The following CELF4 variants were observed in gnomAD, a reference collection of about 807,000 sequenced individuals.
CELF4 encodes CUGBP Elav-like family member 4.
Under a neutral mutation model 59.9 loss-of-function variants are expected in CELF4, and 18 were observed. The observed-to-expected ratio is 0.30, with a 90% CI of 0.21 to 0.45. The LOEUF is 0.45. CELF4 is among the 20% of genes least tolerant of loss of function. The probability of loss-of-function intolerance (pLI) is 1.00; values close to 1 mark genes in which losing one functional copy is unlikely to be tolerated. For missense variants in CELF4, 456 were observed against 689.0 expected, an observed-to-expected ratio of 0.66 and a Z score of 3.79; for synonymous variants, 261 against 267.1, an observed-to-expected ratio of 0.98 and a Z score of 0.22.
At chr18:37,485,243 A>T (rs1297706756) in intron 2 of CELF4, among the ~76,000 whole-genome samples, 1 of 151,654 alleles carries the variant, frequency 6.6e-6, no homozygotes, top group Non-Finnish European at 1.5e-5. Context: ...GGCCCGGCGG[A>T]GGCAGCTCCC....
intron 2 of CELF4, among the ~76,000 whole-genome samples, chr18:37,356,486 AGGTGCTGGGAAGGCCATT>A (rs1199567818): frequency 2.0e-5 from 3 of 151,816 alleles, no homozygotes; most frequent in African/African-American, 7.3e-5. Flanking sequence ...GGAAGGTCAG[AGGTGCTGGGAAGGCCATT>A]GGTGCTGGGA....
intron 3 of CELF4, among the ~76,000 whole-genome samples, chr18:37,292,177 T>TTA (rs10653983): frequency 0.55 from 83,951 of 151,850 alleles, 25,219 homozygotes; most frequent in African/African-American, 0.8. Flanking sequence ...AGAAATCGAT[T>TTA]TATTGTTGAT....
At chr18:37,454,014 G>T (rs1410684143) in intron 2 of CELF4, among the ~76,000 whole-genome samples, 3 of 151,996 alleles carry the variant, frequency 2.0e-5, no homozygotes, top group Non-Finnish European at 2.9e-5. Context: ...GATTTGGACT[G>T]AGCTGCCTTC....
chr18:37,379,292 T>C (rs1204325341), intron 2 of CELF4, among the ~76,000 whole-genome samples: 17 of 152,106 alleles, frequency 1.1e-4, no homozygotes, highest in Non-Finnish European at 2.9e-5. Flanking sequence ...GGCGTGGGTA[T>C]GCTATTGAGG....
chr18:37,489,945 T>C (rs572587378), intron 1 of CELF4, among the ~76,000 whole-genome samples: 1 of 152,214 alleles, frequency 6.6e-6, no homozygotes, highest in South Asian at 2.1e-4. Flanking sequence ...CCACATACAC[T>C]CGTGCTCACA....
chr18:37,312,830 T>C (rs1022603209), intron 3 of CELF4, among the ~76,000 whole-genome samples: 3 of 152,146 alleles, frequency 2.0e-5, no homozygotes, highest in Non-Finnish European at 2.9e-5. Context: ...CCCCTTGGTT[T>C]CCTGTGATGC....
At chr18:37,477,697 A>G (rs2099854066) in intron 2 of CELF4, among the ~76,000 whole-genome samples, 1 of 152,158 alleles carries the variant, frequency 6.6e-6, no homozygotes, top group Admixed American at 6.5e-5. Flanking sequence ...TTTCTGGATC[A>G]TGAGCTGTCT....
chr18:37,341,601 A>G (rs1408635509), intron 2 of CELF4, among the ~76,000 whole-genome samples: 1 of 152,174 alleles, frequency 6.6e-6, no homozygotes, highest in Non-Finnish European at 1.5e-5. Context: ...CAACATGGGC[A>G]CAGGCTGCCT....
intron 2 of CELF4, among the ~76,000 whole-genome samples, chr18:37,437,683 G>T (rs931605268): frequency 1.3e-5 from 2 of 152,180 alleles, no homozygotes; most frequent in Admixed American, 6.5e-5. Flanking sequence ...GTGGGCAGAG[G>T]AGTTGTCCTG....
intron 2 of CELF4, among the ~76,000 whole-genome samples, chr18:37,355,935 G>A (rs1337059966): frequency 6.6e-6 from 1 of 152,158 alleles, no homozygotes; most frequent in Non-Finnish European, 1.5e-5. Context: ...ATGGGGCCTC[G>A]GAATGCCCTG....
intron 2 of CELF4, among the ~76,000 whole-genome samples, chr18:37,425,647 G>A (rs879137398): frequency 6.6e-6 from 1 of 152,240 alleles, no homozygotes; most frequent in Non-Finnish European, 1.5e-5. Flanking sequence ...GTCCACCAGG[G>A]AGAAAGCTCA....
intron 2 of CELF4, among the ~76,000 whole-genome samples, chr18:37,322,678 A>G (rs1312142355): frequency 6.6e-6 from 1 of 152,212 alleles, no homozygotes; most frequent in Admixed American, 6.5e-5. Flanking sequence ...ACCGGGAGGC[A>G]CCAGGGTGGG....
At chr18:37,354,883 G>C (rs1006412651) in intron 2 of CELF4, among the ~76,000 whole-genome samples, 1 of 152,224 alleles carries the variant, frequency 6.6e-6, no homozygotes, top group Admixed American at 6.5e-5. Context: ...GGGAGCCAGG[G>C]AAGTAGCACT....
At chr18:37,412,065 A>C (rs2099467991) in intron 2 of CELF4, among the ~76,000 whole-genome samples, 1 of 152,190 alleles carries the variant, frequency 6.6e-6, no homozygotes, top group African/African-American at 2.4e-5. Context: ...CTGGGGGATG[A>C]GGAAGAATAC....
At chr18:37,288,927 TC>T (rs1185792674) in intron 3 of CELF4, among the ~76,000 whole-genome samples, 1 of 152,080 alleles carries the variant, frequency 6.6e-6, no homozygotes, top group African/African-American at 2.4e-5. Context: ...ACCGTGAAAT[TC>T]CTTTAACAGA....
rs1047677888 is a variant in CELF4, at chr18:37,253,104, C to T, written c.*44+663G>A. On this transcript the variant is annotated intron_variant, in intron 12 of 12. Transcript: ENST00000420428. This position sits in a 1 kb window ranked among gnomAD's most constrained non-coding sequence, Gnocchi z 4.5. The stretch of plus-strand genomic sequence containing the variant: ...CTGTGTCTTCAGCTCCTAGGCAGGA[C>T]CCAGCCCAGCAGAAAAGGTAACAAC... Among the ~76,000 whole-genome samples the T allele has an allele frequency of 1.3e-5, 2 of 152,140 alleles. No individual in the cohort carries two copies. Among genetic ancestry groups the T allele is most frequent in the Non-Finnish European group, 2.9e-5 (2 of 68,030 alleles).
intron 11 of CELF4, among the ~76,000 whole-genome samples, chr18:37,257,326 G>C (rs1464464389): frequency 6.6e-6 from 1 of 152,182 alleles, no homozygotes; most frequent in Non-Finnish European, 1.5e-5. Flanking sequence ...CTTCCTTAAA[G>C]AGCAGATGCA....
intron 3 of CELF4, among the ~76,000 whole-genome samples, chr18:37,310,857 C>T (rs1276238361): frequency 6.6e-6 from 1 of 152,186 alleles, no homozygotes; most frequent in Non-Finnish European, 1.5e-5. Context: ...TCTCCTCTCG[C>T]CCATCTCCCA....
chr18:37,553,274 G>A (rs1603644037), intron 1 of CELF4, among the ~76,000 whole-genome samples: 1 of 152,212 alleles, frequency 6.6e-6, no homozygotes, highest in African/African-American at 2.4e-5. Flanking sequence ...GATAAACTGG[G>A]CTTAAGTTGC....
Sources: allele counts gnomAD v4.1 joint callset (sites outside exome capture counted in the v4.1 genomes callset), GRCh38; gene constraint gnomAD v4.1.1; non-coding constraint Gnocchi (gnomAD v3.1); transcripts MANE v1.5; gene names NCBI Gene and HGNC (gene_info 2026-07-23, HGNC 2026-07-21).